The following EPHA6 variants were observed in gnomAD, a reference collection of about 807,000 sequenced individuals.
EPHA6 encodes ephrin type-A receptor 6.
A neutral mutation model predicts 112.0 loss-of-function variants in EPHA6; 50 were observed. The ratio of observed to expected loss-of-function variants is 0.45; its 90% confidence interval spans 0.36 to 0.56. EPHA6 has a LOEUF of 0.56. Ranked by LOEUF, EPHA6 falls within the 20% of genes least tolerant of loss-of-function variation. The pLI, the probability that EPHA6 is intolerant of heterozygous loss-of-function variation, is 0.00. For missense variants in EPHA6, 1,280 were observed against 1,417.4 expected, an observed-to-expected ratio of 0.90 and a Z score of 1.56; for synonymous variants, 529 against 490.7, an observed-to-expected ratio of 1.08 and a Z score of -1.03.
At chr3:97,088,182 A>T (rs955120068) in intron 3 of EPHA6, among the ~76,000 whole-genome samples, 7 of 152,058 alleles carry the variant, frequency 4.6e-5, no homozygotes, top group Non-Finnish European at 8.8e-5. Flanking sequence ...TCCATCTAAA[A>T]AATTAATTAA....
chr3:97,271,621 G>T (rs988187644), intron 5 of EPHA6, among the ~76,000 whole-genome samples: 1 of 152,194 alleles, frequency 6.6e-6, no homozygotes, highest in Non-Finnish European at 1.5e-5. Flanking sequence ...GCCTCCCAAA[G>T]TGCTGGGGTT....
At position 96,876,585 on chromosome 3, in the gene EPHA6, C is replaced by T. The variant is rs79723942; in HGVS notation, c.450+9696C>T. On this transcript the variant is annotated intron_variant, in intron 2 of 17. Coordinates refer to ENST00000389672, the MANE Select transcript of EPHA6 (RefSeq NM_001080448.3). ...CTAAACCCCTCCTCTCCTTTCCTAC[C>T]GTTTAACCTGTGGCCAACAGCTGCC... Among the ~76,000 whole-genome samples, 1,431 of 152,070 alleles carry T rather than the reference C, an allele frequency of 9.4e-3. 16 individuals carry two copies. The highest frequency in any genetic ancestry group is 0.033 in the African/African-American group (1,370 of 41,516).
chr3:97,527,417 A>G, intron 10 of EPHA6, among the ~76,000 whole-genome samples: 1 of 149,080 alleles, frequency 6.7e-6, no homozygotes, highest in East Asian at 2.0e-4. Flanking sequence ...GTGCAGAATT[A>G]TTTTTTTTTT....
At chr3:97,491,743 T>A (rs186159769) in intron 10 of EPHA6, among the ~76,000 whole-genome samples, 25 of 151,956 alleles carry the variant, frequency 1.6e-4, no homozygotes, top group African/African-American at 5.5e-4. Context: ...CCTACTTGCA[T>A]CATACCCCTA....
At chr3:96,833,240 G>A (rs1393326744) in intron 1 of EPHA6, among the ~76,000 whole-genome samples, 1 of 149,866 alleles carries the variant, frequency 6.7e-6, no homozygotes, top group Non-Finnish European at 1.5e-5. Context: ...TCACAGACAT[G>A]TACACAAGTG....
chr3:97,365,452 G>A (rs1237214938), intron 5 of EPHA6, among the ~76,000 whole-genome samples: 3 of 151,706 alleles, frequency 2.0e-5, no homozygotes, highest in East Asian at 1.9e-4. Flanking sequence ...GTGCTATGGC[G>A]TGATCTCGGC....
At chr3:97,334,126 A>G (rs1246529533) in intron 5 of EPHA6, among the ~76,000 whole-genome samples, 1 of 152,118 alleles carries the variant, frequency 6.6e-6, no homozygotes, top group Non-Finnish European at 1.5e-5. Flanking sequence ...ATGTTGAAAC[A>G]GCTTTATATA....
At chr3:97,000,941 T>G (rs2043632289) in intron 3 of EPHA6, among the ~76,000 whole-genome samples, 1 of 149,774 alleles carries the variant, frequency 6.7e-6, no homozygotes, top group African/African-American at 2.5e-5. Context: ...TCTCTGAGGA[T>G]ATTTTGATCT....
chr3:97,619,521 T>C (rs1202220815), intron 13 of EPHA6, among the ~76,000 whole-genome samples: 1 of 151,452 alleles, frequency 6.6e-6, no homozygotes, highest in Non-Finnish European at 1.5e-5. Flanking sequence ...CAAAAGCCCA[T>C]TGTCTCAGCC....
At chr3:97,481,556 C>A (rs1003495834) in intron 9 of EPHA6, 13 of 702,928 alleles carry the variant, frequency 1.8e-5, no homozygotes, top group Non-Finnish European at 2.6e-5. Context: ...GCCGCCGGGG[C>A]GCGGCGCGTC....
intron 3 of EPHA6, among the ~76,000 whole-genome samples, chr3:97,040,791 A>G (rs1224818162): frequency 1.3e-5 from 2 of 152,082 alleles, no homozygotes; most frequent in Non-Finnish European, 2.9e-5. Context: ...GAGGAAATTA[A>G]CCATTTGCCC....
intron 13 of EPHA6, among the ~76,000 whole-genome samples, chr3:97,625,390 T>C (rs2093847491): frequency 6.6e-6 from 1 of 151,818 alleles, no homozygotes; most frequent in African/African-American, 2.4e-5. Context: ...TTATCTGTTG[T>C]AGTCAGAGAA....
At chr3:97,255,714 T>G (rs1444127445) in intron 5 of EPHA6, among the ~76,000 whole-genome samples, 1 of 152,176 alleles carries the variant, frequency 6.6e-6, no homozygotes, top group Non-Finnish European at 1.5e-5. Context: ...TTTTTGCTTA[T>G]GTCAAATTTT....
At chr3:97,206,806 T>C (rs1484770395) in intron 3 of EPHA6, among the ~76,000 whole-genome samples, 1 of 152,134 alleles carries the variant, frequency 6.6e-6, no homozygotes, top group African/African-American at 2.4e-5. Flanking sequence ...CTACAACTTA[T>C]TATACATTTA....
At chr3:97,382,886 A>G (rs1034131854) in intron 5 of EPHA6, among the ~76,000 whole-genome samples, 2 of 152,028 alleles carry the variant, frequency 1.3e-5, no homozygotes, top group Non-Finnish European at 2.9e-5. Flanking sequence ...CCTAATGATA[A>G]TGTATCTACA....
intron 6 of EPHA6, among the ~76,000 whole-genome samples, chr3:97,406,595 C>T (rs1160139323): frequency 1.3e-5 from 2 of 152,130 alleles, no homozygotes; most frequent in African/African-American, 4.8e-5. Context: ...ATAACACATA[C>T]CTTCCTCTAT....
At chr3:96,838,111 C>T (rs1336534167) in intron 1 of EPHA6, among the ~76,000 whole-genome samples, 1 of 149,854 alleles carries the variant, frequency 6.7e-6, no homozygotes, top group Non-Finnish European at 1.5e-5. Flanking sequence ...CATATGTTTA[C>T]ATCATTCAGC....
Position 97,045,778 on chromosome 3 carries a change from A to G in EPHA6, c.1114+57785A>G, listed in dbSNP as rs111852566. Among the ~76,000 whole-genome samples, 810 of 152,178 alleles carry G rather than the reference A, an allele frequency of 5.3e-3. 6 individuals are homozygous for G. The highest frequency in any genetic ancestry group is 0.018 in the African/African-American group (731 of 41,560). ...TAAAATGATTATGTGTTTGTCAGCA[A>G]TGTTTGACCACTGCCCTTCTTGAAA... On this transcript the variant is annotated intron_variant, in intron 3 of 17. Coordinates refer to ENST00000389672, the MANE Select transcript of EPHA6 (RefSeq NM_001080448.3).
intron 11 of EPHA6, among the ~76,000 whole-genome samples, chr3:97,540,180 A>G (rs1157482567): frequency 6.6e-6 from 1 of 152,210 alleles, no homozygotes. Context: ...TCTCTCTTCT[A>G]CCAACCTTAA....
Sources: allele counts gnomAD v4.1 joint callset (sites outside exome capture counted in the v4.1 genomes callset), GRCh38; gene constraint gnomAD v4.1.1; transcripts MANE v1.5; gene names NCBI Gene and HGNC (gene_info 2026-07-23, HGNC 2026-07-21).